SETD3: variants seen among roughly 807,000 people sequenced by gnomAD.
SETD3 encodes actin-histidine N-methyltransferase.
SETD3 carries 19 observed loss-of-function variants against 63.0 expected under a neutral mutation model. That is an observed-to-expected ratio of 0.30 (90% CI 0.21 to 0.44). SETD3 has a LOEUF of 0.44. Among genes scored for constraint, SETD3 ranks in the 20% least tolerant of loss-of-function variants. The probability of loss-of-function intolerance (pLI) is 1.00; values close to 1 mark genes in which losing one functional copy is unlikely to be tolerated. For synonymous variants in SETD3, 286 were observed against 264.1 expected (o/e 1.08, Z -0.80); for missense variants, 587 against 728.5 (o/e 0.81, Z 2.24).
chr14:99,412,721 T>C (rs964749576), intron 8 of SETD3: 2 of 427,266 alleles, frequency 4.7e-6, no homozygotes, highest in African/African-American at 2.0e-5. Flanking sequence ...CTTTTGAAAA[T>C]GGTATAAGAT....
chr14:99,411,629 C>G (rs749915855), intron 8 of SETD3: 1 of 151,010 alleles, frequency 6.6e-6, no homozygotes, highest in African/African-American at 2.4e-5. Flanking sequence ...TGATCTCATT[C>G]AAAAAAAGAA....
chr14:99,478,781 G>C (rs1300537679), intron 1 of SETD3: 1 of 152,192 alleles, frequency 6.6e-6, no homozygotes, highest in East Asian at 1.9e-4. Context: ...CCAGGCAGGA[G>C]AGTACTGTGT....
intron 1 of SETD3, among the ~76,000 whole-genome samples, chr14:99,468,303 G>T (rs917624449): frequency 2.0e-5 from 3 of 151,892 alleles, no homozygotes; most frequent in Admixed American, 1.3e-4. Context: ...CCTCCTGAAC[G>T]AGTCCTCATG....
intron 6 of SETD3, among the ~76,000 whole-genome samples, chr14:99,454,547 AAAC>A (rs1324794485): frequency 6.6e-6 from 1 of 152,218 alleles, no homozygotes; most frequent in Non-Finnish European, 1.5e-5. Flanking sequence ...AAACAAAACA[AAAC>A]AAAACCAAAT....
chr14:99,452,917 T>C (rs1894542924), intron 6 of SETD3, among the ~76,000 whole-genome samples: 2 of 152,188 alleles, frequency 1.3e-5, no homozygotes, highest in Non-Finnish European at 2.9e-5. Context: ...AAAACTATTT[T>C]AAATGGGAAA....
At chr14:99,464,979 C>CA (rs1238462456) in intron 2 of SETD3, among the ~76,000 whole-genome samples, 1 of 152,032 alleles carries the variant, frequency 6.6e-6, no homozygotes, top group Non-Finnish European at 1.5e-5. Flanking sequence ...CTCACCTCTA[C>CA]AAAAAAATTA....
chr14:99,458,146 TTTATA>T, intron 6 of SETD3, 128 bp downstream of exon 6: 1 of 1,076,866 alleles, frequency 9.3e-7, no homozygotes, highest in Non-Finnish European at 1.3e-6. Flanking sequence ...TGAAATGTAT[TTTATA>T]TTTTCAATTT....
intron 8 of SETD3, among the ~76,000 whole-genome samples, chr14:99,406,841 T>C (rs752742081): frequency 1.2e-4 from 19 of 152,206 alleles, no homozygotes; most frequent in Non-Finnish European, 2.2e-4. Context: ...AGAGACTATA[T>C]AGATTGTCAC....
chr14:99,409,609 G>A (rs796217427), intron 8 of SETD3, among the ~76,000 whole-genome samples: 20 of 151,906 alleles, frequency 1.3e-4, no homozygotes, highest in Admixed American at 3.9e-4. Context: ...GGAAGAGCAC[G>A]ATATACATAC....
At chr14:99,449,861 T>C (rs1362483457) in intron 6 of SETD3, among the ~76,000 whole-genome samples, 2 of 152,238 alleles carry the variant, frequency 1.3e-5, no homozygotes, top group Non-Finnish European at 2.9e-5. Flanking sequence ...TGCAACTGTT[T>C]TGTAAGTCTA....
intron 6 of SETD3, among the ~76,000 whole-genome samples, chr14:99,445,052 G>T (rs1025592935): frequency 6.6e-6 from 1 of 152,110 alleles, no homozygotes; most frequent in Non-Finnish European, 1.5e-5. Context: ...CAGTGTTCAG[G>T]CCATATCAAT....
chr14:99,427,440 T>C (rs1439897062), intron 6 of SETD3, among the ~76,000 whole-genome samples: 1 of 152,200 alleles, frequency 6.6e-6, no homozygotes, highest in African/African-American at 2.4e-5. Context: ...AACTGTAGGA[T>C]GAACTATATC....
intron 1 of SETD3, among the ~76,000 whole-genome samples, chr14:99,476,301 T>C (rs1349566233): frequency 1.3e-5 from 2 of 152,240 alleles, no homozygotes; most frequent in African/African-American, 4.8e-5. Flanking sequence ...CTCCAAAGGT[T>C]CACTGTTATC....
chr14:99,455,830 G>A (rs1894726195), intron 6 of SETD3, among the ~76,000 whole-genome samples: 1 of 152,218 alleles, frequency 6.6e-6, no homozygotes, highest in Admixed American at 6.5e-5. Context: ...CTAGATGCCA[G>A]TGGTACCCCA....
chr14:99,484,409 G>C (rs1674509295), upstream of SETD3, among the ~76,000 whole-genome samples: 1 of 152,178 alleles, frequency 6.6e-6, no homozygotes, highest in South Asian at 2.1e-4. Context: ...CTAATATTTA[G>C]GGAGGACTTG....
intron 8 of SETD3, chr14:99,412,113 T>TAGTATAAAG (rs1303238848): frequency 6.6e-6 from 1 of 152,260 alleles, no homozygotes; most frequent in African/African-American, 2.4e-5. Context: ...AACAGTATAC[T>TAGTATAAAG]AGTATAAAGT....
intron 6 of SETD3, among the ~76,000 whole-genome samples, chr14:99,420,947 CGGGGGGGGGGGGGGG>C (rs559807226): frequency 1.6e-3 from 12 of 7,380 alleles, no homozygotes; most frequent in African/African-American, 2.8e-3. Context: ...CAGGCGAGGG[CGGGGGGGGGGGGGGG>C]GGGGGGGGGG....
intron 6 of SETD3, among the ~76,000 whole-genome samples, chr14:99,436,046 G>A (rs546727353): frequency 2.6e-5 from 4 of 152,258 alleles, no homozygotes; most frequent in Admixed American, 2.6e-4. Flanking sequence ...AAGGCAGCAG[G>A]AAGAAGTGCC....
At chr14:99,400,355 GC>G in intron 11 of SETD3, 96 bp from the exon 12 acceptor site, 1 of 1,323,802 alleles carries the variant, frequency 7.6e-7, no homozygotes, top group Non-Finnish European at 1.0e-6. Context: ...TTCCAACAAC[GC>G]CATTTTCCCA....
Sources: allele counts gnomAD v4.1 joint callset (sites outside exome capture counted in the v4.1 genomes callset), GRCh38; gene constraint gnomAD v4.1.1; transcripts MANE v1.5; gene names NCBI Gene and HGNC (gene_info 2026-07-23, HGNC 2026-07-21).